DRICH1: variants seen among roughly 807,000 people sequenced by gnomAD.
DRICH1 encodes aspartate-rich protein 1.
DRICH1 carries 38 observed loss-of-function variants against 39.5 expected under a neutral mutation model. That is an observed-to-expected ratio of 0.96 (90% CI 0.74 to 1.26). The LOEUF (loss-of-function observed/expected upper bound fraction) is 1.26. Among genes scored for constraint, DRICH1 ranks in the 50% most tolerant of loss-of-function variants. The pLI, the probability that DRICH1 is intolerant of heterozygous loss-of-function variation, is 0.00. For synonymous variants in DRICH1, 84 were observed against 99.5 expected, an observed-to-expected ratio of 0.84 and a Z score of 0.93; for missense variants, 279 against 270.4, an observed-to-expected ratio of 1.03 and a Z score of -0.22.
chr22:23,602,578 G>A, the DRICH1 span, among the ~76,000 whole-genome samples: 8 of 152,284 alleles, frequency 5.3e-5, no homozygotes, highest in South Asian at 2.1e-4. Context: ...CCAGCTACGC[G>A]AGAGGCTGAG....
At position 23,608,504 on chromosome 22, in the gene DRICH1, G is replaced by C. The variant is rs1202266507; in HGVS notation, c.*260C>G. On this transcript the variant is annotated 3_prime_UTR_variant, in exon 12 of 12. Transcript: ENST00000317749. ...GTGGGAATGGCACTTTCTGCTCGTG[G>C]AGCACAGTCACGTCTCTTCTCACTC... is the stretch of plus-strand genomic sequence containing the variant. 2.0e-6 allele frequency: 1 copy of C among 506,572 alleles called. No individual in the cohort carries two copies. The highest frequency in any genetic ancestry group is 3.5e-6 in the Non-Finnish European group (1 of 281,834). 31.4% of individuals were successfully genotyped at this position (506,572 alleles called of 1,614,324 possible). A position where few individuals can be genotyped will look rare whatever the true frequency, so the allele number is the denominator to read the frequency against.
At chr22:23,590,263 T>C in the DRICH1 span, among the ~76,000 whole-genome samples, 1 of 150,738 alleles carries the variant, frequency 6.6e-6, no homozygotes, top group Admixed American at 6.6e-5. Flanking sequence ...GCATAACCTG[T>C]ATTTCAGCCC....
intron 8 of DRICH1, among the ~76,000 whole-genome samples, chr22:23,615,501 G>T (rs1191657369): frequency 6.6e-6 from 1 of 152,080 alleles, no homozygotes; most frequent in Non-Finnish European, 1.5e-5. Flanking sequence ...GAAGATCCTC[G>T]GAAGTAAAGA....
intron 1 of DRICH1, among the ~76,000 whole-genome samples, chr22:23,631,566 G>T (rs1477861703): frequency 6.6e-6 from 1 of 152,158 alleles, no homozygotes; most frequent in Non-Finnish European, 1.5e-5. Flanking sequence ...AGAATGGGAT[G>T]GGGACTCCAA....
intron 5 of DRICH1, among the ~76,000 whole-genome samples, chr22:23,619,608 C>T (rs1217739709): frequency 6.6e-6 from 1 of 152,228 alleles, no homozygotes; most frequent in African/African-American, 2.4e-5. Flanking sequence ...CATACAGAGT[C>T]AGCTGATCTT....
chr22:23,613,789 C>T, intron 9 of DRICH1, 129 bp from the exon 10 acceptor site: 1 of 678,376 alleles, frequency 1.5e-6, no homozygotes, highest in South Asian at 1.8e-5. Flanking sequence ...GGTCAAAGTC[C>T]CCCAAAGACT....
At chr22:23,601,575 T>A in the DRICH1 span, among the ~76,000 whole-genome samples, 11,288 of 151,762 alleles carry the variant, frequency 0.074, 466 homozygotes, top group East Asian at 0.16. Flanking sequence ...CAGTGGGAAG[T>A]GAGTGTTCCT....
intron 11 of DRICH1, among the ~76,000 whole-genome samples, chr22:23,608,978 GGGA>G (rs1474785692): frequency 6.6e-6 from 1 of 152,142 alleles, no homozygotes; most frequent in African/African-American, 2.4e-5. Context: ...AGCCTATGTT[GGGA>G]CCTAGAAGTC....
chr22:23,604,992 A>T (rs951164047), downstream of DRICH1, among the ~76,000 whole-genome samples: 1 of 152,078 alleles, frequency 6.6e-6, no homozygotes, highest in African/African-American at 2.4e-5. Flanking sequence ...TGTCCAAGGT[A>T]CTCATGAACT....
chr22:23,617,447 C>G, intron 7 of DRICH1, 128 bp downstream of exon 7: 2 of 1,087,036 alleles, frequency 1.8e-6, no homozygotes, highest in Non-Finnish European at 1.4e-6. Context: ...TGGGCCCCCT[C>G]TCCTGGGAAA....
At chr22:23,598,436 C>T in the DRICH1 span, among the ~76,000 whole-genome samples, 17 of 152,062 alleles carry the variant, frequency 1.1e-4, no homozygotes, top group Middle Eastern at 6.8e-3. Flanking sequence ...TTATCACCCC[C>T]GTGTACAGAG....
chr22:23,621,236 C>T (rs779264976), intron 4 of DRICH1, among the ~76,000 whole-genome samples: 24 of 151,874 alleles, frequency 1.6e-4, no homozygotes, highest in African/African-American at 2.4e-5. Flanking sequence ...ACTTAATTGC[C>T]CTCACTTCAA....
chr22:23,588,362 G>A, the DRICH1 span, among the ~76,000 whole-genome samples: 1 of 152,208 alleles, frequency 6.6e-6, no homozygotes, highest in Non-Finnish European at 1.5e-5. Flanking sequence ...CTGGCCTCAG[G>A]TGATCCACCT....
chr22:23,592,879 C>CAA, the DRICH1 span, among the ~76,000 whole-genome samples: 324 of 127,252 alleles, frequency 2.5e-3, 2 homozygotes, highest in Middle Eastern at 0.02. Flanking sequence ...CACACACACA[C>CAA]AAAATTAGCT....
At chr22:23,619,797 TTC>T (rs1383138802) in intron 5 of DRICH1, among the ~76,000 whole-genome samples, 1 of 151,838 alleles carries the variant, frequency 6.6e-6, no homozygotes, top group Non-Finnish European at 1.5e-5. Flanking sequence ...TGAATTTTCA[TTC>T]TGTCCTCCAC....
At chr22:23,596,902 T>C in the DRICH1 span, among the ~76,000 whole-genome samples, 9 of 151,946 alleles carry the variant, frequency 5.9e-5, no homozygotes, top group East Asian at 3.9e-4. Flanking sequence ...TACTTCTTTA[T>C]TGATCTTCTG....
In DRICH1 at chr22:23,620,610, T is replaced by C. The variant is rs770068836; in HGVS notation, c.390A>G (p.Leu130=). The change falls in exon 5 of 12, where the codon TTA becomes TTG. Residue 130 remains leucine, a synonymous_variant. Transcript: ENST00000317749. ...DDDDDDDAQI[L]PSRVQGGCYR... The stretch of plus-strand genomic sequence containing the variant: ...GGTACATACCCTGGACACGTGACGG[T>C]AAAATCTGCAACGAGACAAAAGAAG... The C allele has an allele frequency of 1.1e-5, 18 of 1,613,986 alleles. No homozygotes were observed. Among genetic ancestry groups the C allele is most frequent in the Non-Finnish European group, 1.5e-5 (18 of 1,179,878 alleles).
the DRICH1 span, among the ~76,000 whole-genome samples, chr22:23,601,110 T>G: frequency 0.054 from 8,138 of 151,906 alleles, 400 homozygotes; most frequent in African/African-American, 0.12. Context: ...CCATTGGCAA[T>G]AAGCAGAAAC....
At chr22:23,628,974 G>C (rs1602353064) in intron 1 of DRICH1, among the ~76,000 whole-genome samples, 1 of 152,094 alleles carries the variant, frequency 6.6e-6, no homozygotes, top group African/African-American at 2.4e-5. Context: ...ACTCAGAAGG[G>C]GTCTCAGATA....
Sources: gnomAD v4.1 joint callset for allele counts (sites outside exome capture counted in the v4.1 genomes callset) on GRCh38, gnomAD v4.1.1 for gene constraint, MANE v1.5 for transcripts, NCBI Gene and HGNC (gene_info 2026-07-23, HGNC 2026-07-21) for gene names.